DNAH17: variants seen among roughly 807,000 people sequenced by gnomAD.
DNAH17 encodes axonemal beta dynein heavy chain 17.
DNAH17 carries 376 observed loss-of-function variants against 485.6 expected under a neutral mutation model. That is an observed-to-expected ratio of 0.77 (90% CI 0.71 to 0.84). The LOEUF is 0.84. DNAH17 is among the 40% of genes least tolerant of loss of function. The probability of loss-of-function intolerance (pLI) is 0.00; values close to 1 mark genes in which losing one functional copy is unlikely to be tolerated. For missense variants in DNAH17, 6,370 were observed against 5,839.3 expected (o/e 1.09, Z -2.96); for synonymous variants, 3,031 against 2,405.9 (o/e 1.26, Z -7.60).
At position 78,567,767 on chromosome 17, in the gene DNAH17, G is replaced by A. The variant is rs117083677; in HGVS notation, c.1285-601C>T. 4.2e-3 allele frequency among the ~76,000 whole-genome samples: 633 copies of A among 152,218 alleles called. 11 individuals are homozygous for A. The East Asian group carries it at 0.053, about 13-fold the overall frequency. ...GCAATGCATTCCTTCCCAGGGGCCC[G>A]GTCTCCCATCTGCGCCGCTTGTGTT... is the stretch of plus-strand genomic sequence containing the variant. On this transcript the variant is annotated intron_variant, in intron 9 of 80. Transcript: ENST00000389840.
chr17:78,570,557 G>T (rs536539280), intron 6 of DNAH17, among the ~76,000 whole-genome samples, 185 bp from the exon 7 acceptor site: 1 of 152,042 alleles, frequency 6.6e-6, no homozygotes, highest in Non-Finnish European at 1.5e-5. Flanking sequence ...GGCCCCACAT[G>T]CCTTGAAGAA....
chr17:78,541,820 G>A (rs1264683773), intron 17 of DNAH17, among the ~76,000 whole-genome samples: 7 of 152,124 alleles, frequency 4.6e-5, no homozygotes, highest in Admixed American at 3.3e-4. Flanking sequence ...CCTTCTGAGA[G>A]TGTTAACAAG....
Position 78,455,835 on chromosome 17 carries a change from G to C in DNAH17, c.9979C>G (p.Leu3327Val), listed in dbSNP as rs764141882. 1.3e-6 allele frequency: 2 copies of C among 1,597,082 alleles called. No homozygotes were observed. The highest frequency in any genetic ancestry group is 1.7e-6 in the Non-Finnish European group (2 of 1,171,384). ...TTTTCCGATGCTAATCCCCCGACCA[G>C]CCTAAAGTGGGATGAGAGAGAATAA... ...TNRVILLANR[L>V]VGGLASENIR... is the part of the protein sequence containing the mutation. The change falls in exon 63 of 81, where the codon CTG becomes GTG. Residue 3327 changes from leucine to valine, a missense_variant and splice_region_variant. Coordinates refer to ENST00000389840, the MANE Select transcript of DNAH17 (RefSeq NM_173628.4).
At chr17:78,562,002 G>A (rs757025499) in intron 11 of DNAH17, 22 bp from the exon 12 acceptor site, 16 of 1,551,604 alleles carry the variant, frequency 1.0e-5, no homozygotes, top group Middle Eastern at 1.7e-4. Flanking sequence ...GGAGAAGGGG[G>A]CCTCTTCACC....
intron 18 of DNAH17, among the ~76,000 whole-genome samples, chr17:78,538,097 G>A (rs1263891163): frequency 2.2e-5 from 3 of 137,944 alleles, no homozygotes; most frequent in Non-Finnish European, 3.0e-5. Flanking sequence ...CTGAGATTGT[G>A]CCATTGCACT....
intron 14 of DNAH17, among the ~76,000 whole-genome samples, chr17:78,556,927 TATG>T (rs1202687631): frequency 3.3e-5 from 5 of 152,172 alleles, no homozygotes; most frequent in Admixed American, 2.0e-4. Context: ...ACAGAACACG[TATG>T]ATACCATTGC....
intron 12 of DNAH17, 110 bp from the exon 13 acceptor site, chr17:78,561,045 A>T (rs550768016): frequency 2.0e-6 from 2 of 1,022,692 alleles, no homozygotes; most frequent in South Asian, 3.1e-5. Context: ...CCGGCCACCC[A>T]ATTACTCGAG....
chr17:78,501,936 G>A (rs2146720016), intron 33 of DNAH17, 63 bp from the exon 34 acceptor site: 2 of 1,601,920 alleles, frequency 1.2e-6, no homozygotes, highest in Non-Finnish European at 1.7e-6. Context: ...GGGGTCTTGT[G>A]GCTGGGTGCC....
chr17:78,492,758 T>C lies in DNAH17; in HGVS notation c.6416A>G (p.Lys2139Arg), dbSNP rs201761004. 2.5e-4 allele frequency: 410 copies of C among 1,611,456 alleles called. 1 individual carries two copies. Among genetic ancestry groups the C allele is most frequent in the Middle Eastern group, 1.2e-3 (7 of 6,062 alleles). ...GTTCTGATAGGTCTTGTTGAGGGATTTGAGGACCTGGCGAAGGTGGGGGTC... is the reference window on the plus strand; with the variant it reads ...GTTCTGATAGGTCTTGTTGAGGGATCTGAGGACCTGGCGAAGGTGGGGGTC... ...NAGSGKSQVL[K>R]SLNKTYQNLK... The change falls in exon 42 of 81, where the codon AAA becomes AGA. Residue 2139 changes from lysine (K) to arginine (R), a missense_variant. By Grantham distance (26) the Lys-to-Arg change is conservative. Coordinates refer to ENST00000389840, the MANE Select transcript of DNAH17 (RefSeq NM_173628.4).
At chr17:78,442,584 C>G (rs895328016) in intron 71 of DNAH17, among the ~76,000 whole-genome samples, 1 of 152,242 alleles carries the variant, frequency 6.6e-6, no homozygotes, top group African/African-American at 2.4e-5. Context: ...TTGGCCAGGC[C>G]AAATGGTCAT....
chr17:78,488,156 G>A (rs573249363), intron 44 of DNAH17, among the ~76,000 whole-genome samples: 8 of 152,290 alleles, frequency 5.3e-5, no homozygotes, highest in Middle Eastern at 6.8e-3. Context: ...AGTGCGGGTC[G>A]GTGTGTGTGC....
chr17:78,446,818 A>AT (rs2087325918), intron 69 of DNAH17, among the ~76,000 whole-genome samples: 2 of 151,684 alleles, frequency 1.3e-5, no homozygotes, highest in Admixed American at 6.6e-5. Context: ...TAATTTTTGC[A>AT]TTTTTTGTAG....
At chr17:78,539,062 C>T (rs888674863) in intron 18 of DNAH17, among the ~76,000 whole-genome samples, 4 of 152,000 alleles carry the variant, frequency 2.6e-5, no homozygotes, top group African/African-American at 9.7e-5. Context: ...GAACCCTTGC[C>T]TCTACTAAAA....
rs148810121 is a variant in DNAH17 at position 78,475,166 on chromosome 17, T to C, written c.8511+112A>G. Reference sequence around the variant, plus strand: ...AGACCCTTTGGATAAGGACTATTGGTGATGCTCGGATTCCCTGTACTCGCT... The same window carrying C: ...AGACCCTTTGGATAAGGACTATTGGCGATGCTCGGATTCCCTGTACTCGCT... On this transcript the variant is annotated intron_variant, in intron 54 of 80. Coordinates refer to ENST00000389840, the MANE Select transcript of DNAH17 (RefSeq NM_173628.4). 5.9e-4 allele frequency: 718 copies of C among 1,224,286 alleles called. 7 individuals are homozygous for C. The East Asian group carries it at 0.015, about 25-fold the overall frequency. 75.8% of individuals were successfully genotyped at this position (1,224,286 alleles called of 1,614,324 possible).
intron 70 of DNAH17, among the ~76,000 whole-genome samples, chr17:78,445,110 G>T (rs2087226191): frequency 6.6e-6 from 1 of 151,576 alleles, no homozygotes; most frequent in Non-Finnish European, 1.5e-5. Context: ...CCTTCTTCAG[G>T]TCTTTTTGAA....
intron 14 of DNAH17, among the ~76,000 whole-genome samples, chr17:78,555,201 A>T (rs1439054787): frequency 6.6e-6 from 1 of 152,238 alleles, no homozygotes; most frequent in African/African-American, 2.4e-5. Context: ...CTACAGGATT[A>T]CAAAGCAAGA....
At position 78,467,136 on chromosome 17, in the gene DNAH17, G is replaced by A. The variant is rs146243954; in HGVS notation, c.8779-320C>T. Among the ~76,000 whole-genome samples, 18 of 152,350 alleles carry A rather than the reference G, an allele frequency of 1.2e-4. No individual in the cohort carries two copies. The East Asian group carries it at 1.7e-3, about 15-fold the overall frequency. ...GGCAGATGAGGCCCCAGAACGGGCC[G>A]GGCTCCCAAGCCCTTCGGTTCAGCA... On this transcript the variant is annotated intron_variant, in intron 55 of 80. Coordinates refer to ENST00000389840, the MANE Select transcript of DNAH17 (RefSeq NM_173628.4).
intron 31 of DNAH17, 73 bp from the exon 32 acceptor site, chr17:78,503,084 T>C (rs944573917): frequency 2.3e-5 from 35 of 1,498,496 alleles, no homozygotes; most frequent in East Asian, 9.8e-5. Flanking sequence ...TTGTTTGTAT[T>C]TGTTGTAAAG....
At chr17:78,502,161 CTG>C (rs943393735) in intron 33 of DNAH17, 2 of 447,960 alleles carry the variant, frequency 4.5e-6, no homozygotes, top group African/African-American at 2.0e-5. Flanking sequence ...CATCCAGAGT[CTG>C]TATATTTTTA....
Sources: allele counts gnomAD v4.1 joint callset (sites outside exome capture counted in the v4.1 genomes callset), GRCh38; gene constraint gnomAD v4.1.1; transcripts MANE v1.5; gene names NCBI Gene and HGNC (gene_info 2026-07-23, HGNC 2026-07-21).